IMMP2L: variants seen among roughly 807,000 people sequenced by gnomAD.
The protein encoded by IMMP2L is inner mitochondrial membrane peptidase subunit 2, also known as mitochondrial inner membrane protease subunit 2.
A neutral mutation model predicts 19.3 loss-of-function variants in IMMP2L; 18 were observed. The ratio of observed to expected loss-of-function variants is 0.93; its 90% CI spans 0.64 to 1.38. The LOEUF (loss-of-function observed/expected upper bound fraction) is 1.38, where lower values mean the gene tolerates loss of function less well. IMMP2L is among the 40% of genes most tolerant of loss of function. The pLI is 0.00. For synonymous variants in IMMP2L, 76 were observed against 73.0 expected, an observed-to-expected ratio of 1.04 and a Z score of -0.21; for missense variants, 233 against 218.2, an observed-to-expected ratio of 1.07 and a Z score of -0.43.
chr7:110,857,898 C>A (rs534444687), intron 5 of IMMP2L, among the ~76,000 whole-genome samples: 1 of 152,142 alleles, frequency 6.6e-6, no homozygotes, highest in South Asian at 2.1e-4. Flanking sequence ...TGCTAGTACA[C>A]CACTCAGCAT....
chr7:110,720,312 G>T (rs1339454521), intron 5 of IMMP2L, among the ~76,000 whole-genome samples: 1 of 152,190 alleles, frequency 6.6e-6, no homozygotes, highest in African/African-American at 2.4e-5. Context: ...AAGAGTCAGA[G>T]CCCCTGGTTG....
intron 3 of IMMP2L, among the ~76,000 whole-genome samples, chr7:111,466,836 T>C (rs151302090): frequency 2.6e-5 from 4 of 152,158 alleles, no homozygotes; most frequent in African/African-American, 4.8e-5. Context: ...ACTATTTACA[T>C]AGCATTTACA....
At chr7:111,059,829 A>T (rs1367721678) in intron 3 of IMMP2L, among the ~76,000 whole-genome samples, 2 of 152,144 alleles carry the variant, frequency 1.3e-5, no homozygotes, top group African/African-American at 4.8e-5. Flanking sequence ...ATGCCATAAG[A>T]AGGTACTGCC....
intron 3 of IMMP2L, among the ~76,000 whole-genome samples, chr7:111,052,631 C>A (rs573402548): frequency 1.3e-5 from 2 of 152,240 alleles, no homozygotes; most frequent in Non-Finnish European, 2.9e-5. Flanking sequence ...CAAGCTGTAA[C>A]CCAACCACCT....
intron 3 of IMMP2L, among the ~76,000 whole-genome samples, chr7:111,430,108 A>G (rs1348469199): frequency 6.6e-6 from 1 of 151,884 alleles, no homozygotes; most frequent in Non-Finnish European, 1.5e-5. Flanking sequence ...CCTCTCATCC[A>G]TCTGGTTTTA....
intron 3 of IMMP2L, among the ~76,000 whole-genome samples, chr7:111,058,980 A>G (rs1323041997): frequency 6.8e-6 from 1 of 147,210 alleles, no homozygotes; most frequent in Non-Finnish European, 1.5e-5. Flanking sequence ...TTAACTTTTT[A>G]TTTATTTATT....
intron 4 of IMMP2L, among the ~76,000 whole-genome samples, chr7:110,960,966 A>G (rs1818870313): frequency 6.6e-6 from 1 of 151,940 alleles, no homozygotes; most frequent in Non-Finnish European, 1.5e-5. Flanking sequence ...GAGAAATGCA[A>G]TTCAAAACCA....
intron 2 of IMMP2L, among the ~76,000 whole-genome samples, chr7:111,491,279 G>C (rs1045294668): frequency 1.3e-5 from 2 of 152,032 alleles, no homozygotes; most frequent in African/African-American, 2.4e-5. Context: ...TTCTGGTCAG[G>C]AGCAGACTAT....
At chr7:110,722,632 A>T (rs1320815918) in intron 5 of IMMP2L, among the ~76,000 whole-genome samples, 1 of 152,174 alleles carries the variant, frequency 6.6e-6, no homozygotes, top group African/African-American at 2.4e-5. Flanking sequence ...ACTCAATGTG[A>T]AAATATATGC....
chr7:111,052,893 G>A (rs192596445), intron 3 of IMMP2L, among the ~76,000 whole-genome samples: 1 of 152,072 alleles, frequency 6.6e-6, no homozygotes, highest in Non-Finnish European at 1.5e-5. Context: ...CTTCTTTGTT[G>A]GGTCATTCCC....
At chr7:111,215,036 C>T (rs962990982) in intron 3 of IMMP2L, among the ~76,000 whole-genome samples, 3 of 152,184 alleles carry the variant, frequency 2.0e-5, no homozygotes, top group Non-Finnish European at 4.4e-5. Flanking sequence ...CCACATATCA[C>T]CGCAATCTAC....
At chr7:111,181,762 T>C (rs965810152) in intron 3 of IMMP2L, among the ~76,000 whole-genome samples, 10 of 152,114 alleles carry the variant, frequency 6.6e-5, no homozygotes, top group African/African-American at 2.4e-4. Flanking sequence ...ACCGTAACTA[T>C]TTTCAACGGC....
At position 111,155,685 on chromosome 7, in the gene IMMP2L, T is replaced by C. The variant is rs545628534; in HGVS notation, c.240-192120A>G. On this transcript the variant is annotated intron_variant, in intron 3 of 5. Transcript: ENST00000405709. ...TTATATGCAATTATATATATATATA[T>C]ACACACACACAGACAGTCATGTTTT... is the stretch of plus-strand genomic sequence containing the variant. 2.5e-4 allele frequency among the ~76,000 whole-genome samples: 38 copies of C among 151,632 alleles called. No individual in the cohort carries two copies. In the South Asian group the frequency reaches 3.5e-3, roughly 14 times the overall value.
At chr7:111,444,054 G>GT (rs1838033741) in intron 3 of IMMP2L, among the ~76,000 whole-genome samples, 1 of 152,126 alleles carries the variant, frequency 6.6e-6, no homozygotes, top group Non-Finnish European at 1.5e-5. Context: ...TGCTATGAAA[G>GT]TATCTTTAAA....
chr7:111,132,261 A>G (rs1436571026), intron 3 of IMMP2L, among the ~76,000 whole-genome samples: 1 of 151,986 alleles, frequency 6.6e-6, no homozygotes, highest in Non-Finnish European at 1.5e-5. Context: ...GGGACTTTTA[A>G]AAGAATTTTT....
chr7:111,258,832 T>C (rs1056023563), intron 3 of IMMP2L, among the ~76,000 whole-genome samples: 2 of 152,166 alleles, frequency 1.3e-5, no homozygotes, highest in Non-Finnish European at 2.9e-5. Flanking sequence ...GAAATAAATA[T>C]GTTAAAACTA....
At chr7:111,498,929 C>A (rs896646802) in intron 2 of IMMP2L, among the ~76,000 whole-genome samples, 1 of 152,002 alleles carries the variant, frequency 6.6e-6, no homozygotes, top group Admixed American at 6.6e-5. Context: ...TCAAAAGGAA[C>A]TGAAAAGCAT....
chr7:110,667,248 A>G (rs1195189737), intron 5 of IMMP2L, among the ~76,000 whole-genome samples: 1 of 152,120 alleles, frequency 6.6e-6, no homozygotes, highest in Admixed American at 6.5e-5. Context: ...GTTTCTATTT[A>G]TACTCAATTT....
chr7:111,320,368 A>ATT (rs139463005), intron 3 of IMMP2L, among the ~76,000 whole-genome samples: 3,994 of 151,946 alleles, frequency 0.026, 174 homozygotes, highest in African/African-American at 0.091. Context: ...GCAACTATTC[A>ATT]TTTCTCTCTC....
Sources: gnomAD v4.1 joint callset for allele counts (sites outside exome capture counted in the v4.1 genomes callset) on GRCh38, gnomAD v4.1.1 for gene constraint, MANE v1.5 for transcripts, NCBI Gene and HGNC (gene_info 2026-07-23, HGNC 2026-07-21) for gene names.